COMMD5: variants seen among roughly 807,000 people sequenced by gnomAD.
The protein encoded by COMMD5 is COMM domain containing 5, also known as COMM domain-containing protein 5.
Under a neutral mutation model 6.9 loss-of-function variants are expected in COMMD5, and 10 were observed. That is an observed-to-expected ratio of 1.44 (90% CI 0.89 to 2.45). COMMD5 has a LOEUF of 2.45. Ranked by LOEUF, COMMD5 falls within the 30% of genes most tolerant of loss-of-function variation. The pLI is 0.00. For missense variants in COMMD5, 234 were observed against 287.8 expected, an observed-to-expected ratio of 0.81 and a Z score of 1.35; for synonymous variants, 127 against 125.3, an observed-to-expected ratio of 1.01 and a Z score of -0.09.
At chr8:144,842,056 C>G (rs776259525) in intron 1 of COMMD5, 3 of 1,614,040 alleles carry the variant, frequency 1.9e-6, no homozygotes, top group Non-Finnish European at 2.5e-6. Flanking sequence ...AGCTTTTGGT[C>G]AGAGCTCAAG....
intron 1 of COMMD5, chr8:144,841,925 C>A: frequency 6.2e-7 from 1 of 1,614,152 alleles, no homozygotes; most frequent in South Asian, 1.1e-5. Flanking sequence ...AGAATCCACA[C>A]GGGAGAGAAA....
intron 1 of COMMD5, 72 bp from the exon 2 acceptor site, chr8:144,851,467 G>A (rs1417577428): frequency 1.0e-6 from 1 of 995,958 alleles, no homozygotes; most frequent in Non-Finnish European, 1.5e-6. Flanking sequence ...GGTTGATATG[G>A]TCCCCATCAT....
chr8:144,849,802 C>T (rs1830655976), downstream of COMMD5, among the ~76,000 whole-genome samples: 1 of 149,304 alleles, frequency 6.7e-6, no homozygotes, highest in South Asian at 2.1e-4. Flanking sequence ...TTGCACCCCT[C>T]CACACAGCAG....
downstream of COMMD5, among the ~76,000 whole-genome samples, chr8:144,848,914 T>C (rs928887045): frequency 6.6e-6 from 1 of 152,200 alleles, no homozygotes; most frequent in Non-Finnish European, 1.5e-5. Context: ...TAAGCTGTCT[T>C]TTCATGGCTG....
chr8:144,840,373 G>A (rs1829723709), downstream of COMMD5, among the ~76,000 whole-genome samples: 1 of 152,240 alleles, frequency 6.6e-6, no homozygotes, highest in Non-Finnish European at 1.5e-5. Flanking sequence ...TTAGGAGTGG[G>A]CAGGAACCGA....
In COMMD5 at chr8:144,850,380, TG is replaced by T; in HGVS notation, c.*283del. 1 of 362,278 alleles carries T rather than the reference TG, an allele frequency of 2.8e-6. No homozygotes were observed. Among genetic ancestry groups the T allele is most frequent in the Non-Finnish European group, 5.0e-6 (1 of 198,668 alleles). 22.4% of individuals were successfully genotyped at this position (362,278 alleles called of 1,614,324 possible). A position where few individuals can be genotyped will look rare whatever the true frequency, so the allele number is the denominator to read the frequency against. On this transcript the variant is annotated 3_prime_UTR_variant, in exon 2 of 2. Transcript: ENST00000305103. This position sits in a 1 kb window ranked among gnomAD's most constrained non-coding sequence, Gnocchi z 4.0. ...CAAAGGGCCTCAACCTGGCCTCACA[TG>T]GCCACGTCCAGCACCAAAGACAAAT...
rs147794859 is a variant in COMMD5, at chr8:144,851,087, G to A, written c.252C>T (p.Ala84=). The change falls in exon 2 of 2, where the codon GCC becomes GCT. Residue 84 remains alanine (A), a synonymous_variant. Coordinates refer to ENST00000305103, the MANE Select transcript of COMMD5 (RefSeq NM_014066.4). ...GCAGTGTGTGCATGCCTGCCAGCAG[G>A]GCACCCAGCTGCTCCTCCGGCAGGT... The part of the protein sequence containing the change: ...SANLPEEQLG[A]LLAGMHTLLQ... 5.1e-5 allele frequency: 83 copies of A among 1,612,034 alleles called. No homozygotes were observed. The Middle Eastern group carries it at 2.4e-3, about 46-fold the overall frequency.
chr8:144,841,980 A>C, intron 1 of COMMD5: 1 of 1,614,160 alleles, frequency 6.2e-7, no homozygotes, highest in Non-Finnish European at 8.5e-7. Flanking sequence ...GCCTGAGCTC[A>C]AAACTTATTC....
upstream of COMMD5, chr8:144,853,093 C>T (rs1346630073): frequency 6.6e-6 from 1 of 152,272 alleles, no homozygotes; most frequent in African/African-American, 2.4e-5. Context: ...GCAGCAATGA[C>T]CGCCCCACTG....
At chr8:144,853,156 C>G (rs1343579100), upstream of COMMD5, 1 of 152,170 alleles carries the variant, frequency 6.6e-6, no homozygotes, top group Non-Finnish European at 1.5e-5. Context: ...CCCGCCCCCT[C>G]CCCGCCCGGG....
intron 1 of COMMD5, chr8:144,842,004 C>G (rs1419587579): frequency 2.5e-6 from 4 of 1,614,174 alleles, no homozygotes; most frequent in South Asian, 2.2e-5. Flanking sequence ...ATCAAAGAAT[C>G]CACACTGGGG....
chr8:144,840,471 C>T (rs1024590737), downstream of COMMD5, among the ~76,000 whole-genome samples: 6 of 152,216 alleles, frequency 3.9e-5, no homozygotes, highest in South Asian at 2.1e-4. Context: ...TGGTTGTGAA[C>T]GTGATTGTGT....
At chr8:144,852,064 C>T (rs956279072) in intron 1 of COMMD5, among the ~76,000 whole-genome samples, 1 of 148,746 alleles carries the variant, frequency 6.7e-6, no homozygotes, top group Non-Finnish European at 1.5e-5. Context: ...TCCCTTGAGC[C>T]CAGGAAGTCG....
chr8:144,852,752 C>CG (rs1454446371), intron 1 of COMMD5, 87 bp downstream of exon 1: 1 of 152,220 alleles, frequency 6.6e-6, no homozygotes, highest in African/African-American at 2.4e-5. Flanking sequence ...GGCGCGGCGT[C>CG]GCCCGTTCCG....
At chr8:144,841,878 A>G (rs764165882) in intron 1 of COMMD5, 7 of 1,614,044 alleles carry the variant, frequency 4.3e-6, no homozygotes, top group Non-Finnish European at 5.9e-6. Flanking sequence ...AGTGTGGGAA[A>G]GTCTTCAGGC....
At chr8:144,844,947 C>T (rs1038579450) in intron 1 of COMMD5, among the ~76,000 whole-genome samples, 5 of 151,426 alleles carry the variant, frequency 3.3e-5, no homozygotes, top group Admixed American at 6.6e-5. Flanking sequence ...TGGGGAAAAA[C>T]GATGGTAGGG....
chr8:144,841,442 C>A, exon 2 of COMMD5: 1 of 1,614,210 alleles, frequency 6.2e-7, no homozygotes, highest in Non-Finnish European at 8.5e-7. Context: ...GTCAGAATCT[C>A]CCCACAGGAC....
At chr8:144,847,405 T>A (rs1246718972), downstream of COMMD5, 1 of 152,188 alleles carries the variant, frequency 6.6e-6, no homozygotes, top group African/African-American at 2.4e-5. Flanking sequence ...ATCGCACCAC[T>A]GCACTCTAGC....
At chr8:144,851,470 C>T in intron 1 of COMMD5, 75 bp from the exon 2 acceptor site, 3 of 969,558 alleles carry the variant, frequency 3.1e-6, no homozygotes, top group East Asian at 2.6e-5. Flanking sequence ...TGATATGGTC[C>T]CCATCATCAG....
Sources: gnomAD v4.1 joint callset for allele counts (sites outside exome capture counted in the v4.1 genomes callset) on GRCh38, gnomAD v4.1.1 for gene constraint, Gnocchi (gnomAD v3.1) non-coding constraint, MANE v1.5 for transcripts, NCBI Gene and HGNC (gene_info 2026-07-23, HGNC 2026-07-21) for gene names.